Variants in HDDC3 observed in about 807,000 individuals in gnomAD.
HDDC3 encodes HD domain containing 3, also known as guanosine-3',5'-bis(diphosphate) 3'-pyrophosphohydrolase MESH1.
A neutral mutation model predicts 19.1 loss-of-function variants in HDDC3; 18 were observed. The observed-to-expected ratio is 0.94, with a 90% confidence interval of 0.65 to 1.40. HDDC3 has a LOEUF of 1.40. Among genes scored for constraint, HDDC3 ranks in the 40% most tolerant of loss-of-function variants. The pLI, the probability that HDDC3 is intolerant of heterozygous loss-of-function variation, is 0.00. For missense variants in HDDC3, 250 were observed against 228.9 expected (o/e 1.09, Z -0.59); for synonymous variants, 107 against 99.4 (o/e 1.08, Z -0.46).
rs1269213318 is a variant in HDDC3, at chr15:90,932,412, G to A, written c.112+17C>T. The A allele has an allele frequency of 4.5e-6, 6 of 1,325,830 alleles. No individual in the cohort carries two copies. The South Asian group carries it at 1.2e-4, about 26-fold the overall frequency. 82.1% of individuals were successfully genotyped at this position (1,325,830 alleles called of 1,614,324 possible). ...ACCCAGGTGCCGCAGCCGGCGCTCC[G>A]CGGCCGACGCGCCCACCGATGGGGT... On this transcript the variant is annotated intron_variant, in intron 1 of 3. Transcript: ENST00000394272.
In HDDC3 at chr15:90,931,788, G is replaced by A. The variant is rs138596450; in HGVS notation, c.325C>T (p.Pro109Ser). ...ERKRLQVEQA[P>S]HSSPGAKLVK... is the part of the protein sequence containing the mutation. The stretch of plus-strand genomic sequence containing the variant: ...AGTTTGGCCCCGGGGCTACTGTGGG[G>A]CGCTTGCTCCACCTGCAGCCTCTTT... Residue 109 changes from proline to serine, a missense_variant, in exon 3 of 4, where the codon CCC becomes TCC. Transcript: ENST00000394272. 777 of 1,614,142 alleles carry A rather than the reference G, an allele frequency of 4.8e-4. No homozygotes were observed. Among genetic ancestry groups the A allele is most frequent in the Non-Finnish European group, 6.2e-4 (728 of 1,180,030 alleles).
Position 90,932,264 on chromosome 15 carries a change from G to A in HDDC3, c.113-154C>T. 6 of 895,376 alleles carry A rather than the reference G, an allele frequency of 6.7e-6. No individual in the cohort carries two copies. The East Asian group carries it at 1.1e-4, about 16-fold the overall frequency. The allele number at this position is 895,376 out of a possible 1,614,324, so 55.5% of individuals were successfully genotyped here. A position where few individuals can be genotyped will look rare whatever the true frequency, so the allele number is the denominator to read the frequency against. On this transcript the variant is annotated intron_variant, in intron 1 of 3. Transcript: ENST00000394272. ...TACCCTCTGGGAGCCAACCGACAAA[G>A]GGAACGATCATGCCTACCGTTCCAA...
Position 90,931,940 on chromosome 15 carries a change from G to A in HDDC3, c.173C>T (p.Ala58Val), listed in dbSNP as rs2035809838. ...GTCCTCCACCGTGTCATGGAGCAGGGCCGCCTGGGGACAAGTTCCCACTCA... is the reference window on the plus strand; with the variant it reads ...GTCCTCCACCGTGTCATGGAGCAGGACCGCCTGGGGACAAGTTCCCACTCA... The part of the protein sequence containing the change: ...GITDIVVLQA[A>V]LLHDTVEDTD... The change falls in exon 3 of 4, where the codon GCC becomes GTC. Residue 58 changes from alanine to valine, a missense_variant. Ala to Val is a moderately conservative substitution (Grantham distance 64). Transcript: ENST00000394272. The A allele has an allele frequency of 2.5e-6, 4 of 1,613,638 alleles. No homozygotes were observed. The highest frequency in any genetic ancestry group is 1.3e-5 in the African/African-American group (1 of 74,916).
At chr15:90,932,364 A>C in intron 1 of HDDC3, 65 bp downstream of exon 1, 1 of 1,019,676 alleles carries the variant, frequency 9.8e-7, no homozygotes, top group Non-Finnish European at 1.3e-6. Context: ...CACGCCCCCC[A>C]CGTTTCCTTC....
intron 3 of HDDC3, 27 bp from the exon 4 acceptor site, chr15:90,931,432 T>C: frequency 6.2e-7 from 1 of 1,608,792 alleles, no homozygotes; most frequent in African/African-American, 1.3e-5. Context: ...AGAAACTTGC[T>C]AGCGTGATGT....
chr15:90,932,454 C>A lies in HDDC3; in HGVS notation c.87G>T (p.Gly29=). Residue 29 remains glycine, a synonymous_variant, in exon 1 of 4, where the codon GGG becomes GGT. Transcript: ENST00000394272. ...HRQQRRKDPE[G]TPYINHPIGV... is the part of the protein sequence containing the mutation. ...CGATGGGGTGGTTGATGTAGGGGGT[C>A]CCCTCGGGGTCCTTCCGCCGCTGCT... is the stretch of plus-strand genomic sequence containing the variant. 2 of 1,352,854 alleles carry A rather than the reference C, an allele frequency of 1.5e-6. No individual in the cohort carries two copies. The highest frequency in any genetic ancestry group is 1.9e-6 in the Non-Finnish European group (2 of 1,054,450). The allele number at this position is 1,352,854 out of a possible 1,614,324, so 83.8% of individuals were successfully genotyped here.
At position 90,931,111 on chromosome 15, in the gene HDDC3, G is replaced by C. The variant is rs752756931; in HGVS notation, c.*164C>G. 3.8e-6 allele frequency: 3 copies of C among 782,458 alleles called. No homozygotes were observed. Among genetic ancestry groups the C allele is most frequent in the South Asian group, 1.8e-5 (1 of 54,824 alleles). The allele number at this position is 782,458 out of a possible 1,614,324, so 48.5% of individuals were successfully genotyped here. ...TTCCCACCACGCGGGGCTCAGCTTAGTTAGCAGGAGACCTTCAGACTGAGA... is the reference window on the plus strand; with the variant it reads ...TTCCCACCACGCGGGGCTCAGCTTACTTAGCAGGAGACCTTCAGACTGAGA... On this transcript the variant is annotated 3_prime_UTR_variant, in exon 4 of 4. Transcript: ENST00000394272.
Position 90,932,462 on chromosome 15 carries a change from G to A in HDDC3, c.79C>T (p.Pro27Ser). 1 of 1,330,634 alleles carries A rather than the reference G, an allele frequency of 7.5e-7. No individual in the cohort carries two copies. Among genetic ancestry groups the A allele is most frequent in the Non-Finnish European group, 9.6e-7 (1 of 1,041,754 alleles). 82.4% of individuals were successfully genotyped at this position (1,330,634 alleles called of 1,614,324 possible). ...TGGTTGATGTAGGGGGTCCCCTCGG[G>A]GTCCTTCCGCCGCTGCTGCCGGTGC... ...RKHRQQRRKD[P>S]EGTPYINHPI... The change falls in exon 1 of 4, where the codon CCC becomes TCC. Residue 27 changes from proline (P) to serine (S), a missense_variant. Pro to Ser is a moderately conservative substitution (Grantham distance 74). Coordinates refer to ENST00000394272, the MANE Select transcript of HDDC3 (RefSeq NM_001286451.2).
intron 1 of HDDC3, 112 bp downstream of exon 1, chr15:90,932,317 C>A: frequency 1.2e-6 from 1 of 801,792 alleles, no homozygotes; most frequent in Non-Finnish European, 1.9e-6. Context: ...CGGTATATCG[C>A]ACTAAGCTTG....
intron 2 of HDDC3, 41 bp from the exon 3 acceptor site, chr15:90,931,985 G>A: frequency 1.7e-5 from 28 of 1,613,904 alleles, no homozygotes; most frequent in Non-Finnish European, 2.4e-5. Flanking sequence ...TGTCAGCCAA[G>A]GGTTGCCCAT....
In HDDC3 at chr15:90,932,165, T is replaced by C. The variant is rs927082675; in HGVS notation, c.113-55A>G. On this transcript the variant is annotated intron_variant, in intron 1 of 3. Coordinates refer to ENST00000394272, the MANE Select transcript of HDDC3 (RefSeq NM_001286451.2). Reference sequence around the variant, plus strand: ...GGTCGGAGGTAGTCCCAAGGCGGTGTGTTGTGGGTTTTGGAGAGCCAGATG... The same window carrying C: ...GGTCGGAGGTAGTCCCAAGGCGGTGCGTTGTGGGTTTTGGAGAGCCAGATG... The C allele has an allele frequency of 2.5e-5, 38 of 1,532,472 alleles. No individual in the cohort carries two copies. In the Admixed American group the frequency reaches 7.6e-4, roughly 31 times the overall value. 94.9% of individuals were successfully genotyped at this position (1,532,472 alleles called of 1,614,324 possible). A position where few individuals can be genotyped will look rare whatever the true frequency, so the allele number is the denominator to read the frequency against.
At chr15:90,932,562 T>A, upstream of HDDC3, 3 of 1,232,174 alleles carry the variant, frequency 2.4e-6, no homozygotes, top group South Asian at 6.6e-5. Context: ...GGCCGACGAC[T>A]GCGGCCGCAG....
Position 90,932,110 on chromosome 15 carries a change from C to A in HDDC3, c.113G>T (p.Gly38Val), listed in dbSNP as rs772838683. 12 of 1,590,438 alleles carry A rather than the reference C, an allele frequency of 7.5e-6. No individual in the cohort carries two copies. The African/African-American group carries it at 1.6e-4, about 21-fold the overall frequency. Residue 38 changes from glycine (G) to valine (V), a missense_variant and splice_region_variant, in exon 2 of 4, where the codon GGT becomes GTT. Transcript: ENST00000394272. The stretch of plus-strand genomic sequence containing the variant: ...CTCGTGGGTCAGGATCCGTGCCACA[C>A]CTGACGGGGAGGGGCAAAGCAGGAA... ...EGTPYINHPI[G>V]VARILTHEAG...
rs1441015022 is a variant in HDDC3 at position 90,930,876 on chromosome 15, T to C, written c.*399A>G. On this transcript the variant is annotated 3_prime_UTR_variant, in exon 4 of 4. Coordinates refer to ENST00000394272, the MANE Select transcript of HDDC3 (RefSeq NM_001286451.2). ...GTCCTGCTTTGCTGAAGGAAAGATA[T>C]GCAGCCCACCAGTCGGAGGCTGGAG... 1 of 225,600 alleles carries C rather than the reference T, an allele frequency of 4.4e-6. No homozygotes were observed. The highest frequency in any genetic ancestry group is 9.0e-6 in the Non-Finnish European group (1 of 110,612). The allele number at this position is 225,600 out of a possible 1,614,324, so 14.0% of individuals were successfully genotyped here.
rs1235807235 is a variant in HDDC3 at position 90,929,996 on chromosome 15, T to G, written c.*1279A>C. On this transcript the variant is annotated 3_prime_UTR_variant, in exon 4 of 4. Coordinates refer to ENST00000394272, the MANE Select transcript of HDDC3 (RefSeq NM_001286451.2). The stretch of plus-strand genomic sequence containing the variant: ...ATAAACTTTGGCTTTAATGGATGAC[T>G]GGATGCAGAATAAAATACATAAAAA... The G allele has an allele frequency of 6.6e-6, 1 of 152,214 alleles. No individual in the cohort carries two copies. The highest frequency in any genetic ancestry group is 1.5e-5 in the Non-Finnish European group (1 of 68,046). 9.4% of individuals were successfully genotyped at this position (152,214 alleles called of 1,614,324 possible).
rs377242953 is a variant in HDDC3 at position 90,931,832 on chromosome 15, G to A, written c.281C>T (p.Thr94Ile). ...CCTCTTTCTCTCCAGCTTGGGCAGA[G>A]TCTTGTCATCTGTTACCTCCTCCAC... ...RLVEEVTDDKTLPKLERKRLQ... is the reference protein window; with the variant it reads ...RLVEEVTDDKILPKLERKRLQ... Residue 94 changes from threonine to isoleucine, a missense_variant, in exon 3 of 4, where the codon ACT becomes ATT. Coordinates refer to ENST00000394272, the MANE Select transcript of HDDC3 (RefSeq NM_001286451.2). The A allele has an allele frequency of 6.2e-7, 1 of 1,614,160 alleles. No homozygotes were observed. The highest frequency in any genetic ancestry group is 8.5e-7 in the Non-Finnish European group (1 of 1,180,032).
At chr15:90,931,992 C>G in intron 2 of HDDC3, 48 bp from the exon 3 acceptor site, 1 of 1,613,892 alleles carries the variant, frequency 6.2e-7, no homozygotes, top group Non-Finnish European at 8.5e-7. Context: ...CAAGGGTTGC[C>G]CATTGCTGAA....
chr15:90,931,340 C>T lies in HDDC3; in HGVS notation c.475G>A (p.Gly159Arg), dbSNP rs2035782204. Residue 159 changes from glycine (G) to arginine (R), a missense_variant, in exon 4 of 4, where the codon GGA becomes AGA. Physicochemically the swap from Gly to Arg is moderately radical, Grantham distance 125. Coordinates refer to ENST00000394272, the MANE Select transcript of HDDC3 (RefSeq NM_001286451.2). The stretch of plus-strand genomic sequence containing the variant: ...GCCTCTTCCAGTTGCCGGTTTGTTC[C>T]CTGAAGCCCCTTCACCACCTGCGCT... ...WAAQVVKGLQ[G>R]TNRQLEEALK... The T allele has an allele frequency of 1.3e-6, 2 of 1,552,096 alleles. No homozygotes were observed. Among genetic ancestry groups the T allele is most frequent in the Non-Finnish European group, 1.7e-6 (2 of 1,147,270 alleles).
In HDDC3 at chr15:90,931,681, TTACAGCCCA is replaced by T. The variant is rs1253948584; in HGVS notation, c.409+14_409+22del. 6.2e-7 allele frequency: 1 copy of T among 1,613,986 alleles called. No individual in the cohort carries two copies. The highest frequency in any genetic ancestry group is 8.5e-7 in the Non-Finnish European group (1 of 1,179,906). On this transcript the variant is annotated intron_variant, in intron 3 of 3. Transcript: ENST00000394272. ...AGGCGGCATCCCCCTCCCTTTTCCC[TTACAGCCCA>T]TACGAAAGCGTACCCTCTGGGGTGC... is the stretch of plus-strand genomic sequence containing the variant.
Sources: allele counts gnomAD v4.1 joint callset, GRCh38; gene constraint gnomAD v4.1.1; transcripts MANE v1.5; gene names NCBI Gene and HGNC (gene_info 2026-07-23, HGNC 2026-07-21).